IRGM: variants seen among roughly 807,000 people sequenced by gnomAD.
IRGM encodes the protein immunity-related GTPase family M protein.
For synonymous variants in IRGM, 98 were observed against 80.6 expected (o/e 1.22, Z -1.16); for missense variants, 288 against 219.9 (o/e 1.31, Z -1.96).
intron 3 of IRGM, chr5:150,898,548 C>T (rs1196275269): frequency 3.7e-6 from 6 of 1,605,174 alleles, no homozygotes; most frequent in Non-Finnish European, 5.1e-6. Flanking sequence ...TTGAATGATA[C>T]TAACCCCTGT....
At chr5:150,859,961 G>T (rs1317005627) in intron 1 of IRGM, among the ~76,000 whole-genome samples, 1 of 152,128 alleles carries the variant, frequency 6.6e-6, no homozygotes, top group Non-Finnish European at 1.5e-5. Context: ...GTCACCTAGG[G>T]GAGGATAGCT....
At chr5:150,855,825 G>A (rs1442419133) in intron 1 of IRGM, among the ~76,000 whole-genome samples, 2 of 152,156 alleles carry the variant, frequency 1.3e-5, no homozygotes, top group Non-Finnish European at 2.9e-5. Context: ...TGTGAAATAA[G>A]ACTATTAGGA....
chr5:150,896,979 A>T, intron 3 of IRGM: 1 of 1,595,540 alleles, frequency 6.3e-7, no homozygotes, highest in Non-Finnish European at 8.5e-7. Flanking sequence ...CCTGTCTAAA[A>T]GAAGAAAAGA....
intron 1 of IRGM, among the ~76,000 whole-genome samples, chr5:150,868,445 G>A (rs1044367450): frequency 3.9e-5 from 6 of 151,996 alleles, no homozygotes; most frequent in Non-Finnish European, 8.8e-5. Flanking sequence ...GTATTGCTTT[G>A]GCTGTGCAGG....
intron 3 of IRGM, chr5:150,894,251 G>A (rs537635465): frequency 1.3e-5 from 2 of 151,928 alleles, no homozygotes; most frequent in South Asian, 2.1e-4. Flanking sequence ...ATGACAGATA[G>A]TAGGTGTTAT....
At chr5:150,890,732 G>A (rs758538985) in intron 3 of IRGM, among the ~76,000 whole-genome samples, 26 of 151,934 alleles carry the variant, frequency 1.7e-4, no homozygotes, top group Non-Finnish European at 2.8e-4. Flanking sequence ...ATTTAGAAAT[G>A]TGTTATTACT....
intron 1 of IRGM, among the ~76,000 whole-genome samples, chr5:150,877,302 G>A (rs1754379002): frequency 6.6e-6 from 1 of 152,148 alleles, no homozygotes. Flanking sequence ...CTCAATCTGG[G>A]TGAGCACATT....
chr5:150,883,314 C>CA lies in IRGM; in HGVS notation c.*140+3675dup, dbSNP rs143143972. Among the ~76,000 whole-genome samples, 797 of 151,080 alleles carry CA rather than the reference C, an allele frequency of 5.3e-3. 11 individuals carry two copies. The highest frequency in any genetic ancestry group is 0.018 in the African/African-American group (761 of 41,236). On this transcript the variant is annotated intron_variant and NMD_transcript_variant, in intron 3 of 3. Coordinates refer to the IRGM transcript ENST00000520549. ...ATGCCTACACCACAGATAAAGATCT[C>CA]AAAAAAACAACGTAGTGTTATACCT...
chr5:150,859,313 G>C (rs1188178285), intron 1 of IRGM, among the ~76,000 whole-genome samples: 4 of 152,184 alleles, frequency 2.6e-5, no homozygotes, highest in Non-Finnish European at 5.9e-5. Context: ...TTGATGTGCT[G>C]CTGGATTCGG....
At chr5:150,865,587 T>C (rs1324687490) in intron 1 of IRGM, among the ~76,000 whole-genome samples, 1 of 152,194 alleles carries the variant, frequency 6.6e-6, no homozygotes, top group Non-Finnish European at 1.5e-5. Context: ...CTGGCTAAAA[T>C]AGACTTCATT....
At chr5:150,865,102 T>C (rs1013709308) in intron 1 of IRGM, among the ~76,000 whole-genome samples, 3 of 152,114 alleles carry the variant, frequency 2.0e-5, no homozygotes, top group African/African-American at 7.2e-5. Context: ...GAACATAAAT[T>C]AGAAAGGGAA....
At position 150,859,108 on chromosome 5, in the gene IRGM, C is replaced by G. The variant is rs890312777; in HGVS notation, c.158+10454C>G. ...TATTTTGAGATACGTCCCATCAATA[C>G]CTAATTTATTGAGAGTTTTTAGCAT... is the stretch of plus-strand genomic sequence containing the variant. On this transcript the variant is annotated intron_variant and NMD_transcript_variant, in intron 1 of 3. Transcript: ENST00000520549. Among the ~76,000 whole-genome samples, 5 of 152,266 alleles carry G rather than the reference C, an allele frequency of 3.3e-5. No individual in the cohort carries two copies. The South Asian group carries it at 1.0e-3, about 32-fold the overall frequency.
chr5:150,861,382 T>C (rs1332666576), intron 1 of IRGM, among the ~76,000 whole-genome samples: 2 of 152,128 alleles, frequency 1.3e-5, no homozygotes, highest in African/African-American at 4.8e-5. Context: ...ATCAGGTCTT[T>C]TTAAGGCTTA....
intron 3 of IRGM, among the ~76,000 whole-genome samples, chr5:150,899,464 C>T (rs947369980): frequency 6.6e-6 from 1 of 151,804 alleles, no homozygotes; most frequent in African/African-American, 2.4e-5. Context: ...AATGTCAGAG[C>T]TCTAGAAGAT....
downstream of IRGM, among the ~76,000 whole-genome samples, chr5:150,851,973 T>C (rs1402745042): frequency 6.6e-6 from 1 of 152,200 alleles, no homozygotes; most frequent in East Asian, 1.9e-4. Flanking sequence ...ACATGATACA[T>C]ACAGTAACAT....
intron 3 of IRGM, among the ~76,000 whole-genome samples, chr5:150,885,636 C>T (rs763243560): frequency 9.2e-5 from 14 of 151,956 alleles, no homozygotes; most frequent in Middle Eastern, 3.4e-3. Flanking sequence ...TTCACCTCTC[C>T]GGTTAGCTGT....
chr5:150,851,495 A>G (rs1459445971), downstream of IRGM, among the ~76,000 whole-genome samples: 1 of 152,232 alleles, frequency 6.6e-6, no homozygotes, highest in Non-Finnish European at 1.5e-5. Flanking sequence ...TGGGGCAAAC[A>G]TTCAACTTTA....
intron 3 of IRGM, chr5:150,895,516 T>C (rs569172169): frequency 5.6e-6 from 9 of 1,613,522 alleles, no homozygotes; most frequent in South Asian, 1.1e-5. Context: ...TGATAGGGTC[T>C]TTCCCCAGTA....
At chr5:150,854,129 G>A (rs1406995431) in intron 1 of IRGM, among the ~76,000 whole-genome samples, 2 of 151,930 alleles carry the variant, frequency 1.3e-5, no homozygotes, top group Non-Finnish European at 2.9e-5. Flanking sequence ...ACATGTGACA[G>A]TACAAAGTTA....
Sources: allele counts gnomAD v4.1 joint callset (sites outside exome capture counted in the v4.1 genomes callset), GRCh38; gene constraint gnomAD v4.1.1; transcripts MANE v1.5; gene names NCBI Gene and HGNC (gene_info 2026-07-23, HGNC 2026-07-21).